LINGO2: variants seen among roughly 807,000 people sequenced by gnomAD.
LINGO2 encodes the protein leucine-rich repeat and immunoglobulin-like domain-containing nogo receptor-interacting protein 2.
Under a neutral mutation model 30.6 loss-of-function variants are expected in LINGO2, and 14 were observed. That is an observed-to-expected ratio of 0.46 (90% CI 0.30 to 0.72). The LOEUF is 0.72. LINGO2 is among the 30% of genes least tolerant of loss of function. The pLI, the probability that LINGO2 is intolerant of heterozygous loss-of-function variation, is 0.07. For synonymous variants in LINGO2, 317 were observed against 288.5 expected, an observed-to-expected ratio of 1.10 and a Z score of -1.00; for missense variants, 729 against 751.7, an observed-to-expected ratio of 0.97 and a Z score of 0.35.
chr9:29,011,654 C>A, the LINGO2 span, among the ~76,000 whole-genome samples: 1 of 152,154 alleles, frequency 6.6e-6, no homozygotes, highest in Non-Finnish European at 1.5e-5. Flanking sequence ...GCCATGACCC[C>A]TTGGCCACTG....
the LINGO2 span, among the ~76,000 whole-genome samples, chr9:29,105,785 C>T: frequency 1.3e-5 from 2 of 152,060 alleles, no homozygotes; most frequent in Non-Finnish European, 2.9e-5. Flanking sequence ...ATGGAGGATG[C>T]CATGTGGCTG....
chr9:28,003,342 TATAG>T (rs200150497), intron 5 of LINGO2, among the ~76,000 whole-genome samples: 10,996 of 141,622 alleles, frequency 0.078, 422 homozygotes, highest in African/African-American at 0.1. Flanking sequence ...TATATAGATA[TATAG>T]ATAGATAGAT....
At chr9:28,122,184 C>T (rs1199450911) in intron 4 of LINGO2, among the ~76,000 whole-genome samples, 1 of 152,118 alleles carries the variant, frequency 6.6e-6, no homozygotes, top group Non-Finnish European at 1.5e-5. Context: ...ATAGTGTATG[C>T]TTTCTCAGTG....
chr9:27,945,961 A>G (rs138234164), downstream of LINGO2, among the ~76,000 whole-genome samples: 766 of 152,282 alleles, frequency 5.0e-3, 4 homozygotes, highest in African/African-American at 0.017. Context: ...GACACAGTCA[A>G]TATTTTTTTG....
chr9:28,588,603 A>AAACG (rs1824696795), intron 1 of LINGO2, among the ~76,000 whole-genome samples: 1 of 150,858 alleles, frequency 6.6e-6, no homozygotes. Context: ...AGGTTAAAAC[A>AAACG]AACAAACAAA....
Position 28,189,278 on chromosome 9 carries a change from AGGG to A in LINGO2, c.-87+105927_-87+105929del, listed in dbSNP as rs1564028648. On this transcript the variant is annotated intron_variant, in intron 4 of 5. Transcript: ENST00000379992. Reference sequence around the variant, plus strand: ...GAGGAAGGAAGGGAGGGAGGAAGGGAGGGAGGGAGGGAGGAAGGAAGGAAGGGA... The same window carrying A: ...GAGGAAGGAAGGGAGGGAGGAAGGGAAGGGAGGGAGGAAGGAAGGAAGGGA... 1.4e-3 allele frequency among the ~76,000 whole-genome samples: 94 copies of A among 64,842 alleles called. 3 individuals carry two copies. Among genetic ancestry groups the A allele is most frequent in the African/African-American group, 5.2e-3 (76 of 14,662 alleles). The allele number at this position is 64,842 out of a possible 152,430, so 42.5% of individuals were successfully genotyped here. A position where few individuals can be genotyped will look rare whatever the true frequency, so the allele number is the denominator to read the frequency against.
chr9:28,250,497 CT>C (rs1433076311), intron 4 of LINGO2, among the ~76,000 whole-genome samples: 1 of 152,088 alleles, frequency 6.6e-6, no homozygotes, highest in Admixed American at 6.6e-5. Context: ...ACAAGTCAGC[CT>C]TTTCTAGTGA....
chr9:28,686,308 C>A, the LINGO2 span, among the ~76,000 whole-genome samples: 20 of 152,060 alleles, frequency 1.3e-4, no homozygotes, highest in Admixed American at 1.2e-3. Context: ...AATTAAACAA[C>A]TGATATTTCA....
chr9:28,409,971 G>GGA (rs147842896), intron 2 of LINGO2, among the ~76,000 whole-genome samples: 1,900 of 28,396 alleles, frequency 0.067, 39 homozygotes, highest in Non-Finnish European at 0.092. Flanking sequence ...TGTGAGGGAG[G>GGA]GAGAGAAATA....
intron 2 of LINGO2, among the ~76,000 whole-genome samples, chr9:28,443,960 C>T (rs1397231012): frequency 1.3e-5 from 2 of 152,112 alleles, no homozygotes; most frequent in Non-Finnish European, 1.5e-5. Flanking sequence ...CCAGTCCCAC[C>T]CATGGCTGTC....
At chr9:28,922,155 G>A in the LINGO2 span, among the ~76,000 whole-genome samples, 1 of 152,132 alleles carries the variant, frequency 6.6e-6, no homozygotes, top group African/African-American at 2.4e-5. Context: ...CCCAATGTGA[G>A]TACTCCATCT....
chr9:28,356,586 A>G (rs1820218650), intron 3 of LINGO2, among the ~76,000 whole-genome samples: 1 of 152,178 alleles, frequency 6.6e-6, no homozygotes, highest in African/African-American at 2.4e-5. Flanking sequence ...AGGTTAGATA[A>G]GAACTTCCAC....
chr9:28,688,848 G>GCACATAACGTCCTATAATATGTC, the LINGO2 span, among the ~76,000 whole-genome samples: 21 of 152,034 alleles, frequency 1.4e-4, no homozygotes, highest in Non-Finnish European at 2.9e-4. Flanking sequence ...AGATATCTGT[G>GCACATAACGTCCTATAATATGTC]CACATAACGT....
At chr9:29,210,419 A>G in the LINGO2 span, among the ~76,000 whole-genome samples, 2 of 152,222 alleles carry the variant, frequency 1.3e-5, no homozygotes, top group Non-Finnish European at 2.9e-5. Flanking sequence ...ATTTAATTCA[A>G]CAAATAAATG....
chr9:28,959,643 C>CAGAG, the LINGO2 span, among the ~76,000 whole-genome samples: 61 of 150,394 alleles, frequency 4.1e-4, no homozygotes, highest in Admixed American at 7.9e-4. Context: ...CACACACACA[C>CAGAG]ACAGAGAACA....
chr9:28,610,911 T>A (rs1190203708), intron 1 of LINGO2, among the ~76,000 whole-genome samples: 1 of 152,172 alleles, frequency 6.6e-6, no homozygotes, highest in East Asian at 1.9e-4. Flanking sequence ...TCCTTTGAAA[T>A]CTAAATTGTA....
chr9:28,831,365 G>A, the LINGO2 span, among the ~76,000 whole-genome samples: 10 of 152,242 alleles, frequency 6.6e-5, no homozygotes, highest in Admixed American at 1.3e-4. Context: ...ACAGAAGGAA[G>A]GCCATATGGT....
upstream of LINGO2, among the ~76,000 whole-genome samples, chr9:28,675,143 G>GT (rs1376671893): frequency 1.3e-5 from 2 of 152,156 alleles, no homozygotes; most frequent in Non-Finnish European, 2.9e-5. Flanking sequence ...AATAAATTAT[G>GT]TGAGAAAGGC....
intron 4 of LINGO2, among the ~76,000 whole-genome samples, chr9:28,279,547 T>C (rs1031172099): frequency 6.6e-6 from 1 of 152,220 alleles, no homozygotes; most frequent in African/African-American, 2.4e-5. Flanking sequence ...AAGGATCACA[T>C]GAAGGTTAGC....
Sources: gnomAD v4.1 joint callset for allele counts (sites outside exome capture counted in the v4.1 genomes callset) on GRCh38, gnomAD v4.1.1 for gene constraint, MANE v1.5 for transcripts, NCBI Gene and HGNC (gene_info 2026-07-23, HGNC 2026-07-21) for gene names.